The following CERK variants were observed in gnomAD, a reference collection of about 807,000 sequenced individuals.
CERK encodes ceramide kinase.
In CERK, 39 loss-of-function variants were observed where a neutral mutation model predicts 63.4. The observed-to-expected ratio is 0.61, with a 90% CI of 0.48 to 0.80. CERK has a LOEUF of 0.80. Among genes scored for constraint, CERK ranks in the 30% least tolerant of loss-of-function variants. CERK has a pLI of 0.00. For missense variants in CERK, 670 were observed against 714.1 expected (o/e 0.94, Z 0.70); for synonymous variants, 302 against 280.0 (o/e 1.08, Z -0.78).
intron 8 of CERK, among the ~76,000 whole-genome samples, chr22:46,696,230 C>T (rs2082755517): frequency 6.6e-6 from 1 of 152,198 alleles, no homozygotes; most frequent in African/African-American, 2.4e-5. Context: ...CCGACTGTCC[C>T]TAGGACAGCC....
chr22:46,737,590 GA>G (rs1831687501), intron 1 of CERK, among the ~76,000 whole-genome samples: 2 of 152,360 alleles, frequency 1.3e-5, no homozygotes, highest in East Asian at 1.9e-4. Flanking sequence ...CCCTGCTAAA[GA>G]AAAGCATCTG....
chr22:46,693,378 C>T, intron 10 of CERK, 49 bp downstream of exon 10: 1 of 1,504,956 alleles, frequency 6.6e-7, no homozygotes, highest in African/African-American at 1.4e-5. Flanking sequence ...CAGAAACCCG[C>T]ACTCCAGCAC....
chr22:46,736,528 C>A (rs2146601827), intron 1 of CERK, among the ~76,000 whole-genome samples: 1 of 152,330 alleles, frequency 6.6e-6, no homozygotes, highest in Non-Finnish European at 1.5e-5. Flanking sequence ...GGGAGGCAGT[C>A]ATCTTCCTGA....
chr22:46,737,704 G>A (rs1423616602), intron 1 of CERK, among the ~76,000 whole-genome samples: 1 of 152,174 alleles, frequency 6.6e-6, no homozygotes, highest in African/African-American at 2.4e-5. Context: ...CGGACAGACC[G>A]CACCGGGGGC....
intron 12 of CERK, among the ~76,000 whole-genome samples, chr22:46,687,970 G>T: frequency 6.6e-6 from 1 of 152,198 alleles, no homozygotes; most frequent in African/African-American, 2.4e-5. Flanking sequence ...GTCCAGGCGG[G>T]CGGATCACCT....
chr22:46,723,403 C>T (rs117056025), intron 1 of CERK, among the ~76,000 whole-genome samples: 3,831 of 152,096 alleles, frequency 0.025, 67 homozygotes, highest in Non-Finnish European at 0.036. Context: ...CAGAGCACTT[C>T]GGGTCAGGAG....
chr22:46,719,103 C>T (rs760604103), intron 3 of CERK, among the ~76,000 whole-genome samples: 1 of 151,946 alleles, frequency 6.6e-6, no homozygotes, highest in Non-Finnish European at 1.5e-5. Flanking sequence ...AAGCAAACAA[C>T]ATGAAATAGT....
At chr22:46,697,025 C>G (rs1180456922) in intron 8 of CERK, among the ~76,000 whole-genome samples, 6 of 152,172 alleles carry the variant, frequency 3.9e-5, no homozygotes, top group Non-Finnish European at 8.8e-5. Context: ...TCTCGGTATT[C>G]CCTTTCTTAA....
At chr22:46,731,728 G>A (rs1252106179) in intron 1 of CERK, among the ~76,000 whole-genome samples, 1 of 152,300 alleles carries the variant, frequency 6.6e-6, no homozygotes, top group East Asian at 1.9e-4. Context: ...TGTGCCCCGG[G>A]AGCAGGTGGG....
At chr22:46,718,993 G>A (rs201627830) in intron 3 of CERK, among the ~76,000 whole-genome samples, 3 of 151,530 alleles carry the variant, frequency 2.0e-5, no homozygotes, top group Non-Finnish European at 2.9e-5. Context: ...ACTTGAGCCC[G>A]GAAGGTAGAG....
At position 46,737,179 on chromosome 22, in the gene CERK, G is replaced by C. The variant is rs74565294; in HGVS notation, c.142+828C>G. ...GTAGTAGCGGGCTCCTGTAATCCCAGCTACTCCGAGGCTGAGGCAGGGAGA... is the reference window on the plus strand; with the variant it reads ...GTAGTAGCGGGCTCCTGTAATCCCACCTACTCCGAGGCTGAGGCAGGGAGA... On this transcript the variant is annotated intron_variant, in intron 1 of 12. Coordinates refer to ENST00000216264, the MANE Select transcript of CERK (RefSeq NM_022766.6). 2.3e-3 allele frequency among the ~76,000 whole-genome samples: 352 copies of C among 151,896 alleles called. 11 individuals carry two copies. The East Asian group carries it at 0.06, about 26-fold the overall frequency.
intron 1 of CERK, among the ~76,000 whole-genome samples, chr22:46,723,587 C>G (rs945607515): frequency 6.6e-6 from 1 of 152,014 alleles, no homozygotes; most frequent in East Asian, 1.9e-4. Flanking sequence ...CCAGTGCACT[C>G]CAGCCTGGGC....
At chr22:46,695,599 G>A (rs948662492) in intron 8 of CERK, among the ~76,000 whole-genome samples, 4 of 152,234 alleles carry the variant, frequency 2.6e-5, no homozygotes, top group African/African-American at 9.6e-5. Context: ...CTGGCAAAGT[G>A]GGGCCTTTGC....
intron 8 of CERK, among the ~76,000 whole-genome samples, chr22:46,697,245 A>G (rs933868034): frequency 6.6e-6 from 1 of 152,198 alleles, no homozygotes; most frequent in African/African-American, 2.4e-5. Context: ...AAGAGGCGGG[A>G]AAGTCGACCG....
intron 3 of CERK, 35 bp downstream of exon 3, chr22:46,720,051 G>T: frequency 6.2e-7 from 1 of 1,604,472 alleles, no homozygotes; most frequent in Non-Finnish European, 8.5e-7. Context: ...ATGCCACCAC[G>T]GCCATCCTGT....
At chr22:46,701,378 G>A (rs2082782838) in intron 7 of CERK, among the ~76,000 whole-genome samples, 1 of 152,238 alleles carries the variant, frequency 6.6e-6, no homozygotes, top group African/African-American at 2.4e-5. Flanking sequence ...TACGGGCATC[G>A]CGCATGTGGT....
intron 1 of CERK, among the ~76,000 whole-genome samples, chr22:46,728,918 C>T (rs2082932898): frequency 1.3e-5 from 2 of 152,342 alleles, no homozygotes; most frequent in Middle Eastern, 3.4e-3. Context: ...ATACTTGGCT[C>T]TGAGAATGAC....
chr22:46,711,233 T>C, intron 4 of CERK, 84 bp from the exon 5 acceptor site: 1 of 1,022,492 alleles, frequency 9.8e-7, no homozygotes, highest in Admixed American at 1.7e-5. Context: ...TCTTTTAAAA[T>C]GAGTTCCTGT....
intron 11 of CERK, 53 bp from the exon 12 acceptor site, chr22:46,690,253 TG>T (rs1003541199): frequency 3.9e-6 from 6 of 1,519,176 alleles, no homozygotes; most frequent in African/African-American, 2.7e-5. Context: ...ATCGTCTGGG[TG>T]GGGCAGCAGA....
Sources: allele counts gnomAD v4.1 joint callset (sites outside exome capture counted in the v4.1 genomes callset), GRCh38; gene constraint gnomAD v4.1.1; transcripts MANE v1.5; gene names NCBI Gene and HGNC (gene_info 2026-07-23, HGNC 2026-07-21).